Variants in TUSC3 observed in about 807,000 individuals in gnomAD.
TUSC3 encodes tumor suppressor candidate 3.
Under a neutral mutation model 44.8 loss-of-function variants are expected in TUSC3, and 45 were observed. The ratio of observed to expected loss-of-function variants is 1.00; its 90% CI spans 0.79 to 1.29. TUSC3 has a LOEUF of 1.29. Ranked by LOEUF, TUSC3 falls within the 50% of genes most tolerant of loss-of-function variation. The probability of loss-of-function intolerance (pLI) is 0.00; values close to 1 mark genes in which losing one functional copy is unlikely to be tolerated. For missense variants in TUSC3, 519 were observed against 437.9 expected, an observed-to-expected ratio of 1.19 and a Z score of -1.65; for synonymous variants, 212 against 152.9, an observed-to-expected ratio of 1.39 and a Z score of -2.85.
chr8:15,828,319 T>C, the TUSC3 span, among the ~76,000 whole-genome samples: 1 of 152,202 alleles, frequency 6.6e-6, no homozygotes, highest in Non-Finnish European at 1.5e-5. Context: ...AATCTACAGT[T>C]TGTAGATTGG....
chr8:15,675,396 T>G (rs2129183958), intron 6 of TUSC3, among the ~76,000 whole-genome samples: 1 of 150,330 alleles, frequency 6.7e-6, no homozygotes, highest in South Asian at 2.1e-4. Context: ...TATGAAATGT[T>G]TTAACATATT....
the TUSC3 span, among the ~76,000 whole-genome samples, chr8:15,846,658 G>T: frequency 2.4e-4 from 36 of 152,002 alleles, no homozygotes; most frequent in Admixed American, 4.6e-4. Context: ...GGGAATTGAG[G>T]AGTTGAACAA....
chr8:15,722,720 C>T lies in TUSC3; in HGVS notation c.799-7946C>T, dbSNP rs752846955. 5.5e-4 allele frequency among the ~76,000 whole-genome samples: 83 copies of T among 152,074 alleles called. 1 individual carries two copies. The highest frequency in any genetic ancestry group is 9.6e-4 in the Non-Finnish European group (65 of 67,962). On this transcript the variant is annotated intron_variant, in intron 6 of 10. Transcript: ENST00000503731. Reference sequence around the variant, plus strand: ...TTCTGTCTGTAGAGCTCTGGACTCCCACTGTTCCAATGGAAAATTTTTGTT... The same window carrying T: ...TTCTGTCTGTAGAGCTCTGGACTCCTACTGTTCCAATGGAAAATTTTTGTT...
intron 9 of TUSC3, among the ~76,000 whole-genome samples, chr8:15,755,685 C>G (rs932440383): frequency 6.6e-6 from 1 of 151,300 alleles, no homozygotes; most frequent in African/African-American, 2.4e-5. Context: ...CAAGCAACTA[C>G]TTTGGCACTG....
intron 6 of TUSC3, among the ~76,000 whole-genome samples, chr8:15,698,467 T>C (rs1809260374): frequency 6.6e-6 from 1 of 152,190 alleles, no homozygotes; most frequent in East Asian, 1.9e-4. Context: ...TAATTTTAGG[T>C]TCAAAGTATA....
intron 1 of TUSC3, among the ~76,000 whole-genome samples, chr8:15,446,843 C>A (rs1416875454): frequency 6.2e-5 from 9 of 145,064 alleles, no homozygotes; most frequent in Non-Finnish European, 1.1e-4. Flanking sequence ...GGCAGAAGTT[C>A]ATGTGGAGAG....
chr8:15,771,366 C>A (rs777094614), downstream of TUSC3, among the ~76,000 whole-genome samples: 1 of 152,018 alleles, frequency 6.6e-6, no homozygotes, highest in Non-Finnish European at 1.5e-5. Flanking sequence ...TGCATGGGAT[C>A]CTGAATAGCC....
In TUSC3 at chr8:15,493,687, G is replaced by T. The variant is rs1214353165; in HGVS notation, n.189+10204G>T. On this transcript the variant is annotated intron_variant and non_coding_transcript_variant, in intron 2 of 5. Transcript: ENST00000503191. ...AACATAGTTGCTGCCCTTAGGGAAT[G>T]AACTATCCAATTAGAAAAAGAAGAC... Among the ~76,000 whole-genome samples the T allele has an allele frequency of 6.6e-5, 10 of 152,152 alleles. No individual in the cohort carries two copies. In the East Asian group the frequency reaches 1.9e-3, roughly 29 times the overall value.
At chr8:15,435,377 C>T (rs28690534) in intron 1 of TUSC3, among the ~76,000 whole-genome samples, 24,700 of 152,052 alleles carry the variant, frequency 0.16, 2,082 homozygotes, top group Middle Eastern at 0.23. Context: ...AAACTCATTC[C>T]TTATATATTA....
intron 1 of TUSC3, among the ~76,000 whole-genome samples, chr8:15,477,944 A>G (rs1416495898): frequency 6.6e-6 from 1 of 152,070 alleles, no homozygotes; most frequent in East Asian, 1.9e-4. Context: ...TTCTTTTTTA[A>G]AAATTTAATT....
chr8:15,471,872 C>A (rs1043723414), intron 1 of TUSC3, among the ~76,000 whole-genome samples: 31 of 152,140 alleles, frequency 2.0e-4, no homozygotes, highest in African/African-American at 7.2e-4. Flanking sequence ...CCGACCCCTG[C>A]CTCCCAAAGT....
At chr8:15,512,775 T>TCAGC (rs1554508659) in intron 2 of TUSC3, among the ~76,000 whole-genome samples, 1 of 17,220 alleles carries the variant, frequency 5.8e-5, no homozygotes, top group Non-Finnish European at 2.1e-4. Flanking sequence ...TCTGTTTCAG[T>TCAGC]CAACCAATCA....
At chr8:15,482,638 G>C (rs10090172) in intron 1 of TUSC3, among the ~76,000 whole-genome samples, 80,821 of 152,000 alleles carry the variant, frequency 0.53, 22,454 homozygotes, top group East Asian at 0.75. Flanking sequence ...CATTCTGCAG[G>C]CCATAGATCA....
At chr8:15,457,821 T>TGAA (rs1800278055) in intron 1 of TUSC3, among the ~76,000 whole-genome samples, 1 of 147,136 alleles carries the variant, frequency 6.8e-6, no homozygotes, top group Admixed American at 6.8e-5. Flanking sequence ...TATTAGATAA[T>TGAA]TAATTATTAA....
chr8:15,588,219 A>T (rs1803676378), intron 1 of TUSC3, among the ~76,000 whole-genome samples: 1 of 152,034 alleles, frequency 6.6e-6, no homozygotes, highest in Admixed American at 6.6e-5. Flanking sequence ...CATCCTCATC[A>T]GTATTTCTTA....
At chr8:15,684,500 C>G (rs1015419371) in intron 6 of TUSC3, among the ~76,000 whole-genome samples, 6 of 152,162 alleles carry the variant, frequency 3.9e-5, no homozygotes, top group African/African-American at 1.4e-4. Flanking sequence ...GCAGGCCCAA[C>G]CGGCTAAGCT....
chr8:15,622,561 A>G (rs1485329314), intron 1 of TUSC3, among the ~76,000 whole-genome samples: 4 of 152,350 alleles, frequency 2.6e-5, no homozygotes, highest in East Asian at 1.9e-4. Context: ...ACTAGCCACC[A>G]TAATGACTTT....
chr8:15,477,834 C>T (rs11775460), intron 1 of TUSC3, among the ~76,000 whole-genome samples: 73,908 of 152,052 alleles, frequency 0.49, 18,093 homozygotes, highest in Non-Finnish European at 0.52. Context: ...AGATTATGTC[C>T]TTGCTTTCCT....
At chr8:15,524,896 A>G (rs1801353635) in intron 2 of TUSC3, among the ~76,000 whole-genome samples, 1 of 152,208 alleles carries the variant, frequency 6.6e-6, no homozygotes. Context: ...ACTCTTCTGT[A>G]ACAGTGAAAT....
Sources: allele counts gnomAD v4.1 joint callset (sites outside exome capture counted in the v4.1 genomes callset), GRCh38; gene constraint gnomAD v4.1.1; transcripts MANE v1.5; gene names NCBI Gene and HGNC (gene_info 2026-07-23, HGNC 2026-07-21).